The following KIAA1549L variants were observed in gnomAD, a reference collection of about 807,000 sequenced individuals.
KIAA1549L encodes the protein KIAA1549 like.
KIAA1549L carries 88 observed loss-of-function variants against 160.7 expected under a neutral mutation model. The ratio of observed to expected loss-of-function variants is 0.55; its 90% confidence interval spans 0.46 to 0.65. KIAA1549L has a LOEUF of 0.65. Among genes scored for constraint, KIAA1549L ranks in the 30% least tolerant of loss-of-function variants. The probability of loss-of-function intolerance (pLI) is 0.00; values close to 1 mark genes in which losing one functional copy is unlikely to be tolerated. For missense variants in KIAA1549L, 2,258 were observed against 2,437.5 expected (o/e 0.93, Z 1.55); for synonymous variants, 950 against 976.7 (o/e 0.97, Z 0.51).
intron 1 of KIAA1549L, among the ~76,000 whole-genome samples, chr11:33,522,913 A>AT (rs1853530541): frequency 2.0e-5 from 3 of 151,626 alleles, no homozygotes; most frequent in African/African-American, 2.4e-5. Context: ...AAAAAAAAAA[A>AT]TATGGTCTTT....
intron 1 of KIAA1549L, among the ~76,000 whole-genome samples, chr11:33,514,236 C>T (rs143019976): frequency 6.2e-4 from 95 of 152,250 alleles, no homozygotes; most frequent in African/African-American, 2.1e-3. Context: ...GTAAACTACA[C>T]GAAGAATAAA....
chr11:33,600,227 G>A (rs77589162), intron 13 of KIAA1549L, among the ~76,000 whole-genome samples: 4 of 152,118 alleles, frequency 2.6e-5, no homozygotes, highest in African/African-American at 4.8e-5. Flanking sequence ...TCAGAAATGG[G>A]GTGTGACCTG....
At chr11:33,596,602 G>A (rs1209638078) in intron 12 of KIAA1549L, among the ~76,000 whole-genome samples, 1 of 152,176 alleles carries the variant, frequency 6.6e-6, no homozygotes, top group African/African-American at 2.4e-5. Context: ...AGCCTGGCAT[G>A]GCGGCGGGCG....
Position 33,645,801 on chromosome 11 carries a change from C to T in KIAA1549L, c.5525C>T (p.Pro1842Leu). 1 of 1,613,960 alleles carries T rather than the reference C, an allele frequency of 6.2e-7. No homozygotes were observed. The highest frequency in any genetic ancestry group is 8.5e-7 in the Non-Finnish European group (1 of 1,179,878). ...HSETSTLSSQ[P>L]SIDEVRQQMH... is the part of the protein sequence containing the mutation. ...GAGACCTCCACACTGAGCTCCCAGC[C>T]ATCCATCGACGAGGTCAGGCAGCAG... The change falls in exon 17 of 21, where the codon CCA becomes CTA. Residue 1842 changes from proline (P) to leucine (L), a missense_variant. Around this residue, in one of 6 missense-constraint regions of KIAA1549L, gnomAD observed 1,359 missense variants for 1,546.6 expected, o/e 0.88. Transcript: ENST00000658780.
At chr11:33,606,900 A>T in intron 14 of KIAA1549L, 78 bp downstream of exon 14, 1 of 1,269,570 alleles carries the variant, frequency 7.9e-7, no homozygotes, top group Non-Finnish European at 1.1e-6. Flanking sequence ...ACACCTGTGA[A>T]TACTGGGTGC....
intron 1 of KIAA1549L, among the ~76,000 whole-genome samples, chr11:33,473,842 T>TA (rs748805595): frequency 9.2e-5 from 14 of 152,080 alleles, no homozygotes; most frequent in Admixed American, 3.3e-4. Context: ...AAAAACAGAT[T>TA]AAAAAAAATC....
chr11:33,607,371 GA>G (rs920655612), intron 14 of KIAA1549L, among the ~76,000 whole-genome samples: 11 of 149,366 alleles, frequency 7.4e-5, no homozygotes, highest in Middle Eastern at 3.5e-3. Flanking sequence ...CTAAGAGTCT[GA>G]AAAAAAAAAT....
At chr11:33,430,919 A>T (rs1851225218) in intron 1 of KIAA1549L, among the ~76,000 whole-genome samples, 1 of 152,224 alleles carries the variant, frequency 6.6e-6, no homozygotes, top group Admixed American at 6.5e-5. Context: ...CTGACTTCCA[A>T]GAATGAAGCC....
At chr11:33,627,411 A>G (rs1027140938) in intron 16 of KIAA1549L, among the ~76,000 whole-genome samples, 1 of 151,768 alleles carries the variant, frequency 6.6e-6, no homozygotes, top group African/African-American at 2.4e-5. Flanking sequence ...TTGGTAAGCT[A>G]TTGATTATTG....
At position 33,478,379 on chromosome 11, in the gene KIAA1549L, T is replaced by G. The variant is rs113635643; in HGVS notation, c.239-63423T>G. ...TCTTGCAGGGATTGCAGTTTTGTCTTGGGGAAAACACAGATTGGCCTGAAC... is the reference window on the plus strand; with the variant it reads ...TCTTGCAGGGATTGCAGTTTTGTCTGGGGGAAAACACAGATTGGCCTGAAC... On this transcript the variant is annotated intron_variant, in intron 1 of 20. Coordinates refer to ENST00000658780, the MANE Select transcript of KIAA1549L (RefSeq NM_012194.3). Among the ~76,000 whole-genome samples, 2 of 152,336 alleles carry G rather than the reference T, an allele frequency of 1.3e-5. 1 individual carries two copies. The highest frequency in any genetic ancestry group is 4.8e-5 in the African/African-American group (2 of 41,592).
intron 1 of KIAA1549L, among the ~76,000 whole-genome samples, chr11:33,493,082 G>T (rs1044862618): frequency 6.6e-6 from 1 of 152,092 alleles, no homozygotes; most frequent in African/African-American, 2.4e-5. Flanking sequence ...GAAGGTCTTG[G>T]TCTTTCCCTT....
intron 1 of KIAA1549L, among the ~76,000 whole-genome samples, chr11:33,422,632 T>C (rs2134106549): frequency 6.7e-6 from 1 of 150,140 alleles, no homozygotes; most frequent in African/African-American, 2.4e-5. Flanking sequence ...ATTGTGTTTT[T>C]TCTTTTAAAA....
intron 1 of KIAA1549L, among the ~76,000 whole-genome samples, chr11:33,427,785 C>CT (rs1183430099): frequency 6.6e-6 from 1 of 152,178 alleles, no homozygotes; most frequent in African/African-American, 2.4e-5. Flanking sequence ...GTCACCCTCT[C>CT]TTCTCTCCCC....
intron 16 of KIAA1549L, among the ~76,000 whole-genome samples, chr11:33,632,682 G>A (rs1038895195): frequency 4.6e-5 from 7 of 152,034 alleles, no homozygotes; most frequent in Non-Finnish European, 7.4e-5. Context: ...TGGCTCAGGC[G>A]AGCCTCCCTC....
At chr11:33,490,023 A>C (rs1374193725) in intron 1 of KIAA1549L, among the ~76,000 whole-genome samples, 2 of 152,212 alleles carry the variant, frequency 1.3e-5, no homozygotes, top group African/African-American at 2.4e-5. Flanking sequence ...AAGAGAAATT[A>C]GGTGACTCAC....
intron 6 of KIAA1549L, among the ~76,000 whole-genome samples, chr11:33,552,560 A>G (rs1046442178): frequency 6.6e-6 from 1 of 152,108 alleles, no homozygotes; most frequent in Non-Finnish European, 1.5e-5. Context: ...GAATAAATGA[A>G]TCAATTCTAA....
chr11:33,522,679 T>G (rs1473895992), intron 1 of KIAA1549L, among the ~76,000 whole-genome samples: 1 of 152,152 alleles, frequency 6.6e-6, no homozygotes, highest in Non-Finnish European at 1.5e-5. Flanking sequence ...GAGGATCACT[T>G]GAGGCCAGGA....
chr11:33,585,031 A>T (rs540736133), intron 11 of KIAA1549L, among the ~76,000 whole-genome samples: 1 of 152,294 alleles, frequency 6.6e-6, no homozygotes, highest in East Asian at 1.9e-4. Context: ...AAGGATTTTT[A>T]TTGTTTGTTA....
At chr11:33,599,007 A>C in intron 13 of KIAA1549L, 60 bp downstream of exon 13, 1 of 1,574,922 alleles carries the variant, frequency 6.3e-7, no homozygotes, top group Non-Finnish European at 8.7e-7. Context: ...CCGCACACAC[A>C]TGCGTGCACA....
Sources: gnomAD v4.1 joint callset for allele counts (sites outside exome capture counted in the v4.1 genomes callset) on GRCh38, gnomAD v4.1.1 for gene constraint, gnomAD v4.1.1 regional missense constraint, MANE v1.5 for transcripts, NCBI Gene and HGNC (gene_info 2026-07-23, HGNC 2026-07-21) for gene names.